The following GUCY1A2 variants were observed in gnomAD, a reference collection of about 807,000 sequenced individuals.
GUCY1A2 encodes the protein guanylate cyclase soluble subunit alpha-2.
In GUCY1A2, 27 loss-of-function variants were observed where a neutral mutation model predicts 63.5. The ratio of observed to expected loss-of-function variants is 0.43; its 90% CI spans 0.31 to 0.59. The LOEUF is 0.59. Among genes scored for constraint, GUCY1A2 ranks in the 20% least tolerant of loss-of-function variants. The probability of loss-of-function intolerance (pLI) is 0.11; values close to 1 mark genes in which losing one functional copy is unlikely to be tolerated. For synonymous variants in GUCY1A2, 364 were observed against 343.5 expected, an observed-to-expected ratio of 1.06 and a Z score of -0.66; for missense variants, 768 against 913.3, an observed-to-expected ratio of 0.84 and a Z score of 2.05.
At chr11:106,999,294 C>T (rs1047032320) in intron 1 of GUCY1A2, among the ~76,000 whole-genome samples, 1 of 151,986 alleles carries the variant, frequency 6.6e-6, no homozygotes, top group Non-Finnish European at 1.5e-5. Flanking sequence ...AAAGTAAATG[C>T]CCCCACTTAA....
At chr11:106,836,554 T>C (rs1859120450) in intron 4 of GUCY1A2, among the ~76,000 whole-genome samples, 1 of 152,008 alleles carries the variant, frequency 6.6e-6, no homozygotes, top group African/African-American at 2.4e-5. Context: ...AGGAAGCACA[T>C]TCAGCATCAC....
chr11:106,919,388 CA>C (rs1218290144), intron 4 of GUCY1A2, among the ~76,000 whole-genome samples: 1 of 151,608 alleles, frequency 6.6e-6, no homozygotes, highest in Admixed American at 6.6e-5. Context: ...ACCATAATAA[CA>C]AAAAAAGGTA....
At chr11:106,897,600 GAA>G (rs930648515) in intron 4 of GUCY1A2, among the ~76,000 whole-genome samples, 1 of 150,824 alleles carries the variant, frequency 6.6e-6, no homozygotes, top group African/African-American at 2.4e-5. Context: ...GCAATGCAAT[GAA>G]AAAAAGATAC....
At chr11:106,758,622 C>T (rs377721473) in intron 6 of GUCY1A2, among the ~76,000 whole-genome samples, 7 of 152,272 alleles carry the variant, frequency 4.6e-5, no homozygotes, top group South Asian at 2.1e-4. Flanking sequence ...TGTTGCTATT[C>T]GGCCATCTTG....
At chr11:106,754,573 T>G (rs772350122) in intron 6 of GUCY1A2, among the ~76,000 whole-genome samples, 1 of 152,242 alleles carries the variant, frequency 6.6e-6, no homozygotes, top group Non-Finnish European at 1.5e-5. Context: ...GAAGGGCTGT[T>G]GAATTTCGTC....
chr11:106,911,909 G>C (rs1487844584), intron 4 of GUCY1A2, among the ~76,000 whole-genome samples: 1 of 151,812 alleles, frequency 6.6e-6, no homozygotes, highest in Admixed American at 6.6e-5. Context: ...AATATTTCTG[G>C]TATTCCAATT....
chr11:106,772,306 A>G (rs922039710), intron 6 of GUCY1A2, among the ~76,000 whole-genome samples: 30 of 152,174 alleles, frequency 2.0e-4, no homozygotes, highest in African/African-American at 6.5e-4. Flanking sequence ...CTTGTAATTT[A>G]AATCACCTAA....
intron 7 of GUCY1A2, among the ~76,000 whole-genome samples, chr11:106,699,351 A>C (rs1862777527): frequency 6.6e-6 from 1 of 152,128 alleles, no homozygotes; most frequent in Non-Finnish European, 1.5e-5. Context: ...ACTAATTTTC[A>C]CCTTATAGTA....
chr11:106,710,318 T>C (rs1489516551), intron 6 of GUCY1A2, among the ~76,000 whole-genome samples: 344 of 16,724 alleles, frequency 0.021, 20 homozygotes, highest in Middle Eastern at 0.071. Context: ...TACATGTATA[T>C]AATATAGTTA....
At chr11:106,842,223 C>G (rs984393854) in intron 4 of GUCY1A2, among the ~76,000 whole-genome samples, 2 of 151,940 alleles carry the variant, frequency 1.3e-5, no homozygotes, top group Admixed American at 1.3e-4. Context: ...TTCCCTTGCT[C>G]CATCAAGATT....
intron 4 of GUCY1A2, among the ~76,000 whole-genome samples, chr11:106,876,406 C>T (rs575025477): frequency 1.3e-5 from 2 of 152,032 alleles, no homozygotes; most frequent in East Asian, 3.9e-4. Flanking sequence ...ATAATTGCTA[C>T]TTTAATTCAA....
intron 4 of GUCY1A2, chr11:106,936,694 C>T: frequency 6.5e-7 from 1 of 1,528,060 alleles, no homozygotes; most frequent in Non-Finnish European, 8.7e-7. Flanking sequence ...GTCAGATGCC[C>T]CTCGGTGACA....
intron 4 of GUCY1A2, among the ~76,000 whole-genome samples, chr11:106,913,465 C>A (rs1405596774): frequency 6.6e-6 from 1 of 152,066 alleles, no homozygotes; most frequent in African/African-American, 2.4e-5. Flanking sequence ...GGAACTAATA[C>A]AGTGAGAACT....
intron 5 of GUCY1A2, among the ~76,000 whole-genome samples, chr11:106,777,678 C>T (rs1017467994): frequency 0.011 from 49 of 4,474 alleles, 2 homozygotes; most frequent in East Asian, 0.027. Context: ...TGGGGCCTGT[C>T]GGGGGGTGGG....
At position 106,951,680 on chromosome 11, in the gene GUCY1A2, G is replaced by A. The variant is rs113115125; in HGVS notation, c.488-11502C>T. Among the ~76,000 whole-genome samples, 114 of 152,284 alleles carry A rather than the reference G, an allele frequency of 7.5e-4. 1 individual carries two copies. The highest frequency in any genetic ancestry group is 2.6e-3 in the African/African-American group (108 of 41,576). On this transcript the variant is annotated intron_variant, in intron 3 of 7. Transcript: ENST00000526355. ...AATTTCAAAACTTTTCTCCCATTCT[G>A]TAGGTTGCCTGTTCACTCTGATGAT...
chr11:107,012,843 TAATTA>T (rs1459670211), intron 1 of GUCY1A2, among the ~76,000 whole-genome samples: 3 of 152,218 alleles, frequency 2.0e-5, no homozygotes, highest in Non-Finnish European at 2.9e-5. Context: ...TAAAAAGCTT[TAATTA>T]AACTACCTAA....
At chr11:106,808,106 T>A (rs979103126) in intron 5 of GUCY1A2, among the ~76,000 whole-genome samples, 2 of 152,132 alleles carry the variant, frequency 1.3e-5, no homozygotes, top group African/African-American at 2.4e-5. Context: ...TATACATCTA[T>A]CCTATTAGTC....
chr11:106,837,256 T>G (rs1335395120), intron 4 of GUCY1A2, among the ~76,000 whole-genome samples: 2 of 151,974 alleles, frequency 1.3e-5, no homozygotes, highest in Non-Finnish European at 2.9e-5. Flanking sequence ...TATTTGCTTT[T>G]CTTTTCTTGT....
intron 7 of GUCY1A2, among the ~76,000 whole-genome samples, chr11:106,705,376 C>T (rs1480410434): frequency 1.3e-5 from 2 of 152,010 alleles, no homozygotes; most frequent in Non-Finnish European, 2.9e-5. Flanking sequence ...ATTACCAAAC[C>T]CATTCTTTCT....
Sources: gnomAD v4.1 joint callset for allele counts (sites outside exome capture counted in the v4.1 genomes callset) on GRCh38, gnomAD v4.1.1 for gene constraint, MANE v1.5 for transcripts, NCBI Gene and HGNC (gene_info 2026-07-23, HGNC 2026-07-21) for gene names.